The following ERG variants were observed in gnomAD, a reference collection of about 807,000 sequenced individuals.
The protein encoded by ERG is transcriptional regulator ERG.
In ERG, 9 loss-of-function variants were observed where a neutral mutation model predicts 55.3. The observed-to-expected ratio is 0.16, with a 90% CI of 0.10 to 0.28. The LOEUF (loss-of-function observed/expected upper bound fraction) is 0.28, where lower values mean the gene tolerates loss of function less well. Ranked by LOEUF, ERG falls within the 10% of genes least tolerant of loss-of-function variation. The probability of loss-of-function intolerance (pLI) is 1.00; values close to 1 mark genes in which losing one functional copy is unlikely to be tolerated. For missense variants in ERG, 434 were observed against 631.6 expected (o/e 0.69, Z 3.35); for synonymous variants, 223 against 237.3 (o/e 0.94, Z 0.55).
intron 1 of ERG, among the ~76,000 whole-genome samples, chr21:38,578,430 C>A (rs2060008280): frequency 6.6e-6 from 1 of 152,188 alleles, no homozygotes; most frequent in Admixed American, 6.5e-5. Flanking sequence ...TGATTCTTCC[C>A]ATTAAAGAGG....
chr21:38,624,570 T>C (rs1156731153), intron 1 of ERG, among the ~76,000 whole-genome samples: 1 of 152,182 alleles, frequency 6.6e-6, no homozygotes, highest in Non-Finnish European at 1.5e-5. Context: ...GTGGTCTCCA[T>C]AGAGCTCCTG....
intron 1 of ERG, among the ~76,000 whole-genome samples, chr21:38,592,108 C>T (rs559546330): frequency 2.0e-5 from 3 of 152,292 alleles, no homozygotes; most frequent in African/African-American, 7.2e-5. Context: ...GGGTGTGCTG[C>T]CAGATGGCTA....
intron 2 of ERG, among the ~76,000 whole-genome samples, chr21:38,563,164 G>A (rs1327836688): frequency 1.3e-5 from 2 of 152,228 alleles, no homozygotes; most frequent in Non-Finnish European, 2.9e-5. Flanking sequence ...TTGAGGGGCA[G>A]TGAAACTAAT....
intron 1 of ERG, among the ~76,000 whole-genome samples, chr21:38,461,184 C>T (rs889951873): frequency 6.6e-6 from 1 of 152,200 alleles, no homozygotes; most frequent in Non-Finnish European, 1.5e-5. Context: ...AGCAAAGTAG[C>T]AGCGGGGTTG....
intron 1 of ERG, among the ~76,000 whole-genome samples, chr21:38,602,747 G>C (rs2836557): frequency 0.072 from 10,908 of 151,762 alleles, 774 homozygotes; most frequent in African/African-American, 0.18. Flanking sequence ...CTTTGAACAC[G>C]TCTCAGTGGC....
intron 2 of ERG, among the ~76,000 whole-genome samples, chr21:38,524,941 CA>C (rs2059619840): frequency 6.6e-6 from 1 of 152,120 alleles, no homozygotes; most frequent in African/African-American, 2.4e-5. Context: ...AAAGCAAACA[CA>C]AAAGTGGGCA....
intron 9 of ERG, among the ~76,000 whole-genome samples, chr21:38,389,928 C>T (rs1987892565): frequency 6.6e-6 from 1 of 152,158 alleles, no homozygotes. Flanking sequence ...GATAACATTT[C>T]GTGTTTTCAA....
At chr21:38,591,930 T>C (rs1328139819) in intron 1 of ERG, among the ~76,000 whole-genome samples, 1 of 152,180 alleles carries the variant, frequency 6.6e-6, no homozygotes, top group Admixed American at 6.5e-5. Context: ...AGCAGGTATG[T>C]TTATAGACAG....
chr21:38,404,000 C>CT (rs1237303681), intron 3 of ERG, among the ~76,000 whole-genome samples: 1 of 152,146 alleles, frequency 6.6e-6, no homozygotes, highest in Middle Eastern at 3.4e-3. Flanking sequence ...TTTAAAAATT[C>CT]TTTTTTCTCA....
At chr21:38,582,220 G>A (rs2060034347) in intron 1 of ERG, among the ~76,000 whole-genome samples, 1 of 152,158 alleles carries the variant, frequency 6.6e-6, no homozygotes, top group Non-Finnish European at 1.5e-5. Flanking sequence ...AAGGGGGGTT[G>A]TGGGAACCCC....
intron 3 of ERG, among the ~76,000 whole-genome samples, chr21:38,416,311 T>C (rs570560140): frequency 6.6e-6 from 1 of 152,366 alleles, no homozygotes; most frequent in Admixed American, 6.5e-5. Flanking sequence ...GTCAGGTCTA[T>C]GGCCCCAGTG....
intron 2 of ERG, among the ~76,000 whole-genome samples, chr21:38,567,873 C>G (rs2059932831): frequency 6.6e-6 from 1 of 152,228 alleles, no homozygotes; most frequent in Non-Finnish European, 1.5e-5. Context: ...ATCTGCTGGG[C>G]TCTCAGGCTT....
chr21:38,464,398 A>G (rs2059070135), intron 1 of ERG, among the ~76,000 whole-genome samples: 1 of 152,216 alleles, frequency 6.6e-6, no homozygotes, highest in African/African-American at 2.4e-5. Flanking sequence ...CTATTTGTGG[A>G]CAAGAAGTCC....
chr21:38,481,750 T>A (rs1266582079), intron 1 of ERG, among the ~76,000 whole-genome samples: 1 of 152,174 alleles, frequency 6.6e-6, no homozygotes, highest in Non-Finnish European at 1.5e-5. Flanking sequence ...AAACCCTCAG[T>A]GTGAATCAAT....
chr21:38,419,834 G>A (rs1224965760), intron 3 of ERG, among the ~76,000 whole-genome samples: 1 of 151,928 alleles, frequency 6.6e-6, no homozygotes, highest in African/African-American at 2.4e-5. Flanking sequence ...TGAGGGAATC[G>A]CTTCTCAAAA....
intron 9 of ERG, 72 bp downstream of exon 9, chr21:38,390,923 C>G (rs931449497): frequency 4.1e-5 from 50 of 1,219,840 alleles, no homozygotes; most frequent in Non-Finnish European, 5.4e-5. Flanking sequence ...CTCACCAATA[C>G]CAATTTACTT....
At chr21:38,491,952 T>G in intron 1 of ERG, among the ~76,000 whole-genome samples, 1 of 150,632 alleles carries the variant, frequency 6.6e-6, no homozygotes, top group Admixed American at 6.7e-5. Context: ...CCACCTAGAG[T>G]ATAAGAATTG....
intron 2 of ERG, among the ~76,000 whole-genome samples, chr21:38,551,949 C>A (rs112937373): frequency 2.0e-3 from 301 of 152,212 alleles, no homozygotes; most frequent in African/African-American, 6.7e-3. Context: ...ATGTTGAAAT[C>A]TCCCACTATT....
intron 2 of ERG, among the ~76,000 whole-genome samples, chr21:38,542,329 A>C (rs1013004685): frequency 6.6e-6 from 1 of 152,198 alleles, no homozygotes; most frequent in Non-Finnish European, 1.5e-5. Flanking sequence ...AAATCCATCA[A>C]GATGTCCTGT....
Sources: gnomAD v4.1 joint callset for allele counts (sites outside exome capture counted in the v4.1 genomes callset) on GRCh38, gnomAD v4.1.1 for gene constraint, MANE v1.5 for transcripts, NCBI Gene and HGNC (gene_info 2026-07-23, HGNC 2026-07-21) for gene names.